Variants in TMPRSS12 observed in about 807,000 individuals in gnomAD.
The protein encoded by TMPRSS12 is transmembrane serine protease 12.
A neutral mutation model predicts 26.0 loss-of-function variants in TMPRSS12; 25 were observed. The observed-to-expected ratio is 0.96, with a 90% CI of 0.70 to 1.34. TMPRSS12 has a LOEUF of 1.34. TMPRSS12 is among the 40% of genes most tolerant of loss of function. The probability of loss-of-function intolerance (pLI) is 0.00; values close to 1 mark genes in which losing one functional copy is unlikely to be tolerated. For missense variants in TMPRSS12, 441 were observed against 440.1 expected (o/e 1.00, Z -0.02); for synonymous variants, 150 against 161.7 (o/e 0.93, Z 0.55).
intron 3 of TMPRSS12, among the ~76,000 whole-genome samples, chr12:50,864,420 G>A (rs938482901): frequency 6.6e-6 from 1 of 151,698 alleles, no homozygotes; most frequent in Non-Finnish European, 1.5e-5. Flanking sequence ...TAATTCAATG[G>A]GCTAAAGTTT....
Position 50,859,135 on chromosome 12 carries a change from T to C in TMPRSS12, c.652+82T>C, listed in dbSNP as rs1044583872. 2.6e-5 allele frequency: 33 copies of C among 1,250,866 alleles called. No homozygotes were observed. In the African/African-American group the frequency reaches 4.4e-4, roughly 17 times the overall value. The allele number at this position is 1,250,866 out of a possible 1,614,324, so 77.5% of individuals were successfully genotyped here. ...GTCAAACCTTTTATATACATTCATG[T>C]GCCACATAATGACATTTAAGTTAAT... On this transcript the variant is annotated intron_variant, in intron 3 of 4. Transcript: ENST00000398458.
In TMPRSS12 at chr12:50,843,848, G is replaced by T; in HGVS notation, c.194G>T (p.Gly65Val). 1.3e-6 allele frequency: 2 copies of T among 1,552,312 alleles called. No individual in the cohort carries two copies. The highest frequency in any genetic ancestry group is 1.7e-6 in the Non-Finnish European group (2 of 1,148,002). The change falls in exon 2 of 5, where the codon GGA becomes GTA. Residue 65 changes from glycine (G) to valine (V), a missense_variant. Gly to Val is a moderately radical substitution (Grantham distance 109). Coordinates refer to ENST00000398458, the MANE Select transcript of TMPRSS12 (RefSeq NM_182559.3). Reference sequence around the variant, plus strand: ...ATATCATTTTTATTTTTAGATTGTGGAACAGCACCGCTTAAGGATGTGTTG... The same window carrying T: ...ATATCATTTTTATTTTTAGATTGTGTAACAGCACCGCTTAAGGATGTGTTG... ...REGGAHAEDC[G>V]TAPLKDVLQG...
At chr12:50,872,893 A>G (rs187021289) in intron 3 of TMPRSS12, among the ~76,000 whole-genome samples, 7 of 104,762 alleles carry the variant, frequency 6.7e-5, no homozygotes, top group Admixed American at 2.0e-4. Flanking sequence ...TGACGTATAT[A>G]TGTACATATA....
intron 3 of TMPRSS12, among the ~76,000 whole-genome samples, chr12:50,865,945 C>T (rs1937987149): frequency 6.6e-6 from 1 of 152,080 alleles, no homozygotes; most frequent in Admixed American, 6.6e-5. Context: ...CTCAGATTAT[C>T]ATGGCAGATG....
chr12:50,872,519 CAA>C (rs778372099), intron 3 of TMPRSS12, among the ~76,000 whole-genome samples: 467 of 39,770 alleles, frequency 0.012, 22 homozygotes, highest in African/African-American at 0.04. Flanking sequence ...GACTCCGTCT[CAA>C]AAAAAAAAAA....
chr12:50,856,670 G>T (rs829134), intron 2 of TMPRSS12, among the ~76,000 whole-genome samples: 98,355 of 151,690 alleles, frequency 0.65, 32,190 homozygotes, highest in Non-Finnish European at 0.7. Context: ...CATTTTTGTG[G>T]TTTTTTTGTT....
chr12:50,852,375 A>G (rs1937834097), intron 2 of TMPRSS12, among the ~76,000 whole-genome samples: 1 of 152,248 alleles, frequency 6.6e-6, no homozygotes, highest in African/African-American at 2.4e-5. Flanking sequence ...AAAACAAAAA[A>G]GAGCAGGGGT....
intron 3 of TMPRSS12, among the ~76,000 whole-genome samples, chr12:50,860,977 C>T (rs867369134): frequency 6.6e-6 from 1 of 152,134 alleles, no homozygotes; most frequent in African/African-American, 2.4e-5. Flanking sequence ...CTCCTGGCCT[C>T]AAGCAATCTA....
At position 50,887,694 on chromosome 12, in the gene TMPRSS12, G is replaced by C. The variant is rs7970160; in HGVS notation, c.*181G>C. ...TTGTAATTTTGGCACTGAATCACAT[G>C]TCTCCTTGAAATATCTTGATTATTT... On this transcript the variant is annotated 3_prime_UTR_variant, in exon 5 of 5. Transcript: ENST00000398458. 8,968 of 623,434 alleles carry C rather than the reference G, an allele frequency of 0.014. 647 individuals carry two copies. In the African/African-American group the frequency reaches 0.15, roughly 11 times the overall value. 38.6% of individuals were successfully genotyped at this position (623,434 alleles called of 1,614,324 possible).
At chr12:50,845,154 T>C (rs1294838003) in intron 2 of TMPRSS12, among the ~76,000 whole-genome samples, 1 of 152,230 alleles carries the variant, frequency 6.6e-6, no homozygotes, top group Non-Finnish European at 1.5e-5. Context: ...CATTGACCCA[T>C]AAAATCCAAC....
At chr12:50,846,964 A>AT (rs1347203461) in intron 2 of TMPRSS12, among the ~76,000 whole-genome samples, 1 of 151,558 alleles carries the variant, frequency 6.6e-6, no homozygotes, top group Non-Finnish European at 1.5e-5. Context: ...GAGTCTCTTA[A>AT]TATTCCATAT....
chr12:50,874,193 G>A (rs1938092396), intron 3 of TMPRSS12, among the ~76,000 whole-genome samples: 2 of 152,074 alleles, frequency 1.3e-5, no homozygotes, highest in Admixed American at 1.3e-4. Flanking sequence ...TCAGAAAATA[G>A]AGAAGGGAGT....
intron 2 of TMPRSS12, among the ~76,000 whole-genome samples, chr12:50,857,802 T>TGTC (rs773731709): frequency 0.025 from 3,717 of 147,816 alleles, 49 homozygotes; most frequent in African/African-American, 0.035. Context: ...TTGTTGTTGT[T>TGTC]GTTGTCGTTG....
intron 2 of TMPRSS12, among the ~76,000 whole-genome samples, chr12:50,857,808 C>CGTT (rs1319446584): frequency 4.1e-5 from 6 of 147,330 alleles, no homozygotes; most frequent in Admixed American, 1.3e-4. Context: ...TTGTTGTTGT[C>CGTT]GTTGTTGTCG....
At chr12:50,865,060 G>A (rs372843988) in intron 3 of TMPRSS12, among the ~76,000 whole-genome samples, 5 of 152,270 alleles carry the variant, frequency 3.3e-5, no homozygotes, top group African/African-American at 1.2e-4. Flanking sequence ...GGCTGGGTGC[G>A]GTGGCCCATG....
At chr12:50,878,200 GAA>G (rs36087199) in intron 3 of TMPRSS12, among the ~76,000 whole-genome samples, 71 of 139,750 alleles carry the variant, frequency 5.1e-4, no homozygotes, top group African/African-American at 1.5e-3. Flanking sequence ...TTATTTTGGG[GAA>G]AAAAAAAAAA....
chr12:50,857,416 A>G (rs1157628219), intron 2 of TMPRSS12, among the ~76,000 whole-genome samples: 3 of 149,778 alleles, frequency 2.0e-5, no homozygotes, highest in Non-Finnish European at 4.4e-5. Context: ...ACTTTCTGCC[A>G]TGAATAAGAG....
At chr12:50,874,348 A>G (rs1158062130) in intron 3 of TMPRSS12, among the ~76,000 whole-genome samples, 1 of 152,174 alleles carries the variant, frequency 6.6e-6, no homozygotes, top group Non-Finnish European at 1.5e-5. Context: ...ACAGCAACAT[A>G]TAAAAAAGGA....
chr12:50,883,667 T>A (rs1453460441), intron 3 of TMPRSS12, among the ~76,000 whole-genome samples: 1 of 151,982 alleles, frequency 6.6e-6, no homozygotes, highest in Non-Finnish European at 1.5e-5. Flanking sequence ...CACAGCAAGA[T>A]TCTGTCTCAA....
Sources: gnomAD v4.1 joint callset for allele counts (sites outside exome capture counted in the v4.1 genomes callset) on GRCh38, gnomAD v4.1.1 for gene constraint, MANE v1.5 for transcripts, NCBI Gene and HGNC (gene_info 2026-07-23, HGNC 2026-07-21) for gene names.